MORF4L1: variants seen among roughly 807,000 people sequenced by gnomAD.
MORF4L1 encodes the protein mortality factor 4-like protein 1.
A neutral mutation model predicts 52.9 loss-of-function variants in MORF4L1; 4 were observed. That is an observed-to-expected ratio of 0.08 (90% CI 0.04 to 0.17). The LOEUF is 0.17. Ranked by LOEUF, MORF4L1 falls within the 10% of genes least tolerant of loss-of-function variation. The pLI is 1.00. For synonymous variants in MORF4L1, 123 were observed against 134.8 expected, an observed-to-expected ratio of 0.91 and a Z score of 0.61; for missense variants, 214 against 390.4, an observed-to-expected ratio of 0.55 and a Z score of 3.81.
At chr15:78,877,891 A>G (rs2056525652) in intron 1 of MORF4L1, 5 of 226,978 alleles carry the variant, frequency 2.2e-5, no homozygotes, top group African/African-American at 4.6e-5. Flanking sequence ...ATTTTCAGAT[A>G]TATAGTTAAA....
chr15:78,886,460 A>C (rs1490498368), intron 4 of MORF4L1: 3 of 509,062 alleles, frequency 5.9e-6, no homozygotes, highest in Non-Finnish European at 1.1e-5. Context: ...AAACAGCAGA[A>C]TGTTGTTGGA....
chr15:78,891,622 G>C, intron 7 of MORF4L1, 50 bp downstream of exon 7: 6 of 1,404,688 alleles, frequency 4.3e-6, no homozygotes, highest in Non-Finnish European at 6.0e-6. Flanking sequence ...TTTAGTCTCA[G>C]TTACATGACA....
At chr15:78,892,069 A>T in intron 7 of MORF4L1, 143 bp from the exon 8 acceptor site, 36 of 506,018 alleles carry the variant, frequency 7.1e-5, no homozygotes, top group East Asian at 1.0e-4. Flanking sequence ...CGTTTTTATT[A>T]ATGATTTTAA....
intron 8 of MORF4L1, chr15:78,892,753 CAT>C (rs2141483223): frequency 6.5e-6 from 1 of 153,950 alleles, no homozygotes; most frequent in East Asian, 1.9e-4. Flanking sequence ...AATGGAGTGA[CAT>C]GTTTGTCAAT....
chr15:78,881,621 C>T (rs1464630451), intron 3 of MORF4L1, among the ~76,000 whole-genome samples: 7 of 152,162 alleles, frequency 4.6e-5, no homozygotes, highest in Non-Finnish European at 7.3e-5. Context: ...AGTGATGGGA[C>T]TTTTCTCCTT....
chr15:78,882,386 C>T (rs1258501063), intron 3 of MORF4L1, among the ~76,000 whole-genome samples: 2 of 152,098 alleles, frequency 1.3e-5, no homozygotes, highest in Non-Finnish European at 2.9e-5. Context: ...GTAACTCCAA[C>T]CTCATGGACT....
At chr15:78,876,006 C>G (rs926314693) in intron 1 of MORF4L1, among the ~76,000 whole-genome samples, 1 of 151,696 alleles carries the variant, frequency 6.6e-6, no homozygotes, top group African/African-American at 2.4e-5. Flanking sequence ...GGCGCGATCT[C>G]GGGTCACTGC....
At chr15:78,893,263 A>C (rs559207892) in intron 8 of MORF4L1, among the ~76,000 whole-genome samples, 25 of 152,312 alleles carry the variant, frequency 1.6e-4, no homozygotes, top group African/African-American at 5.3e-4. Flanking sequence ...GTAGAGTCTC[A>C]TTTGGCTGTT....
intron 3 of MORF4L1, among the ~76,000 whole-genome samples, chr15:78,883,700 G>A (rs1485464907): frequency 6.6e-6 from 1 of 152,184 alleles, no homozygotes; most frequent in Non-Finnish European, 1.5e-5. Context: ...TAATATATCA[G>A]AAATGTCTTT....
intron 3 of MORF4L1, among the ~76,000 whole-genome samples, chr15:78,882,238 C>T (rs941650136): frequency 3.3e-5 from 5 of 152,104 alleles, no homozygotes; most frequent in African/African-American, 9.7e-5. Flanking sequence ...ATTACTTGAG[C>T]CCAGGAGTTT....
At chr15:78,876,677 C>T in intron 1 of MORF4L1, 1 of 429,252 alleles carries the variant, frequency 2.3e-6, no homozygotes. Context: ...TGTTTATTAG[C>T]AGTATAGTTT....
chr15:78,873,418 G>A (rs980145679), intron 1 of MORF4L1, among the ~76,000 whole-genome samples: 1 of 152,044 alleles, frequency 6.6e-6, no homozygotes, highest in East Asian at 1.9e-4. Flanking sequence ...TGTGGCGGCG[G>A]GGGGGGAGGG....
chr15:78,879,315 G>T (rs901156008), intron 2 of MORF4L1, among the ~76,000 whole-genome samples: 1 of 150,352 alleles, frequency 6.7e-6, no homozygotes, highest in Non-Finnish European at 1.5e-5. Context: ...TCCCCCTCCC[G>T]GGTTGAAGCA....
At position 78,890,994 on chromosome 15, in the gene MORF4L1, C is replaced by T. The variant is rs1051430537; in HGVS notation, c.329C>T (p.Thr110Met). Reference protein sequence around the residue: ...GLQQKNVEVKTKKNKQKTPGN... With the variant: ...GLQQKNVEVKMKKNKQKTPGN... ...TTTTTTTTCTCTCCTTTTAGGAAAA[C>T]GAAAAAGAACAAACAGAAAAGTAAG... The change falls in exon 6 of 12, where the codon ACG (threonine) becomes ATG (methionine). Residue 110 changes from threonine (T) to methionine (M), a missense_variant. By Grantham distance (81) the Thr-to-Met change is moderately conservative. Coordinates refer to ENST00000426013, the MANE Select transcript of MORF4L1 (RefSeq NM_006791.4). 7 of 1,448,520 alleles carry T rather than the reference C, an allele frequency of 4.8e-6. No homozygotes were observed. The highest frequency in any genetic ancestry group is 1.3e-5 in the South Asian group (1 of 78,768). 89.7% of individuals were successfully genotyped at this position (1,448,520 alleles called of 1,614,324 possible). A position where few individuals can be genotyped will look rare whatever the true frequency, so the allele number is the denominator to read the frequency against.
At chr15:78,884,746 C>T (rs908431144) in intron 3 of MORF4L1, among the ~76,000 whole-genome samples, 1 of 150,972 alleles carries the variant, frequency 6.6e-6, no homozygotes, top group Non-Finnish European at 1.5e-5. Flanking sequence ...TTTTAAAATT[C>T]GTACAACAAA....
chr15:78,878,404 C>G, intron 2 of MORF4L1, 145 bp downstream of exon 2: 1 of 590,360 alleles, frequency 1.7e-6, no homozygotes. Flanking sequence ...CTTCATCTTT[C>G]TGAGATTCTT....
At chr15:78,874,715 G>T (rs2056449134) in intron 1 of MORF4L1, among the ~76,000 whole-genome samples, 2 of 151,072 alleles carry the variant, frequency 1.3e-5, no homozygotes, top group South Asian at 4.2e-4. Flanking sequence ...ACGGGCGTGA[G>T]GCATCGCTCT....
chr15:78,874,696 G>T (rs754938280), intron 1 of MORF4L1, among the ~76,000 whole-genome samples: 6 of 150,398 alleles, frequency 4.0e-5, no homozygotes, highest in Non-Finnish European at 7.4e-5. Context: ...CCAAAGTTGT[G>T]GGGGGTTAAC....
intron 2 of MORF4L1, among the ~76,000 whole-genome samples, chr15:78,878,827 A>G (rs1398533295): frequency 1.3e-5 from 2 of 152,202 alleles, no homozygotes; most frequent in African/African-American, 4.8e-5. Flanking sequence ...TTTGTTTCTG[A>G]TAACTTTTTT....
Sources: gnomAD v4.1 joint callset for allele counts (sites outside exome capture counted in the v4.1 genomes callset) on GRCh38, gnomAD v4.1.1 for gene constraint, MANE v1.5 for transcripts, NCBI Gene and HGNC (gene_info 2026-07-23, HGNC 2026-07-21) for gene names.